GALNTL6: variants seen among roughly 807,000 people sequenced by gnomAD.
The protein encoded by GALNTL6 is polypeptide N-acetylgalactosaminyltransferase-like 6.
Under a neutral mutation model 73.7 loss-of-function variants are expected in GALNTL6, and 46 were observed. The observed-to-expected ratio is 0.62, with a 90% confidence interval of 0.49 to 0.80. GALNTL6 has a LOEUF of 0.80. Ranked by LOEUF, GALNTL6 falls within the 30% of genes least tolerant of loss-of-function variation. GALNTL6 has a pLI of 0.00. For missense variants in GALNTL6, 604 were observed against 755.0 expected, an observed-to-expected ratio of 0.80 and a Z score of 2.34; for synonymous variants, 259 against 263.7, an observed-to-expected ratio of 0.98 and a Z score of 0.17.
intron 2 of GALNTL6, among the ~76,000 whole-genome samples, chr4:171,887,787 A>C (rs1385796): frequency 0.54 from 82,258 of 152,022 alleles, 23,732 homozygotes; most frequent in African/African-American, 0.76. Flanking sequence ...TTGAAAAAAA[A>C]CAGTAACATA....
chr4:172,663,889 C>A (rs1480234169), intron 5 of GALNTL6, among the ~76,000 whole-genome samples: 2 of 150,862 alleles, frequency 1.3e-5, no homozygotes, highest in Non-Finnish European at 2.9e-5. Context: ...AAGATCATGT[C>A]ACTGCACTCC....
intron 2 of GALNTL6, among the ~76,000 whole-genome samples, chr4:171,882,859 C>T (rs549129919): frequency 3.9e-5 from 6 of 152,278 alleles, no homozygotes; most frequent in Non-Finnish European, 5.9e-5. Context: ...AACTATGTTT[C>T]GGGTAGTTAG....
intron 7 of GALNTL6, among the ~76,000 whole-genome samples, chr4:172,879,035 G>A (rs1239719426): frequency 1.3e-5 from 2 of 151,756 alleles, no homozygotes; most frequent in Non-Finnish European, 3.0e-5. Flanking sequence ...TCATTTCATA[G>A]CAATAATAAA....
chr4:172,306,772 G>A (rs1236329630), intron 3 of GALNTL6, among the ~76,000 whole-genome samples: 1 of 152,130 alleles, frequency 6.6e-6, no homozygotes, highest in Non-Finnish European at 1.5e-5. Flanking sequence ...CTCCATACAG[G>A]TTGCTACAAA....
chr4:172,481,246 G>C (rs959102505), intron 5 of GALNTL6, among the ~76,000 whole-genome samples: 24 of 151,754 alleles, frequency 1.6e-4, no homozygotes, highest in African/African-American at 5.6e-4. Context: ...CTCCCGACCC[G>C]AGTTGTTCAT....
intron 5 of GALNTL6, among the ~76,000 whole-genome samples, chr4:172,386,391 T>C (rs959878898): frequency 2.0e-5 from 3 of 152,094 alleles, no homozygotes; most frequent in African/African-American, 7.2e-5. Context: ...TACCCTCACA[T>C]GGTAGAGGGC....
intron 3 of GALNTL6, among the ~76,000 whole-genome samples, chr4:172,284,437 C>A (rs930757045): frequency 4.6e-5 from 7 of 151,804 alleles, no homozygotes; most frequent in East Asian, 3.9e-4. Flanking sequence ...CCATGTGCAC[C>A]CCCCTGCACC....
At chr4:172,771,038 C>T (rs1197013266) in intron 5 of GALNTL6, among the ~76,000 whole-genome samples, 1 of 152,148 alleles carries the variant, frequency 6.6e-6, no homozygotes, top group African/African-American at 2.4e-5. Context: ...TCATATCAGA[C>T]CAAAGGGAAA....
At chr4:172,701,825 C>A (rs935170259) in intron 5 of GALNTL6, among the ~76,000 whole-genome samples, 1 of 151,908 alleles carries the variant, frequency 6.6e-6, no homozygotes, top group Non-Finnish European at 1.5e-5. Context: ...GTGTTCATTT[C>A]TCTTATGTAA....
intron 3 of GALNTL6, among the ~76,000 whole-genome samples, chr4:172,305,268 A>G (rs535473423): frequency 1.3e-5 from 2 of 152,320 alleles, no homozygotes; most frequent in Admixed American, 6.5e-5. Flanking sequence ...CATGTTAAGT[A>G]TCTACTATCT....
chr4:172,225,849 G>A (rs1011647000), intron 2 of GALNTL6, among the ~76,000 whole-genome samples: 2 of 152,044 alleles, frequency 1.3e-5, no homozygotes, highest in African/African-American at 4.8e-5. Flanking sequence ...GCTGGTCTAT[G>A]GGTAGCATTG....
rs1356735281 is a variant in GALNTL6 at position 172,924,783 on chromosome 4, A to G, written c.1042-6378A>G. Among the ~76,000 whole-genome samples the G allele has an allele frequency of 3.3e-5, 5 of 152,160 alleles. No homozygotes were observed. The East Asian group carries it at 9.6e-4, about 29-fold the overall frequency. On this transcript the variant is annotated intron_variant, in intron 8 of 12. Coordinates refer to ENST00000506823, the MANE Select transcript of GALNTL6 (RefSeq NM_001034845.3). ...CTGCAAAGTCTTGGAACCTTTATGG[A>G]GCAGTTGTAACTTTGCCCTAAGAGC...
intron 5 of GALNTL6, among the ~76,000 whole-genome samples, chr4:172,544,898 CT>C (rs1253399226): frequency 2.6e-5 from 4 of 152,256 alleles, no homozygotes; most frequent in Admixed American, 6.5e-5. Context: ...TCTAGAGTTT[CT>C]TACATTCCTC....
rs1041361274 is a variant in GALNTL6 at position 172,001,955 on chromosome 4, G to T, written c.138+187237G>T. Reference sequence around the variant, plus strand: ...TATGATTTAAACACTGGCCCACTGTGTCTCTCCCTAACTGCAACAGACACA... The same window carrying T: ...TATGATTTAAACACTGGCCCACTGTTTCTCTCCCTAACTGCAACAGACACA... On this transcript the variant is annotated intron_variant, in intron 2 of 12. Transcript: ENST00000506823. Among the ~76,000 whole-genome samples the T allele has an allele frequency of 2.0e-5, 3 of 152,064 alleles. No homozygotes were observed. In the East Asian group the frequency reaches 5.8e-4, roughly 29 times the overall value.
intron 2 of GALNTL6, among the ~76,000 whole-genome samples, chr4:172,060,392 C>T (rs6851464): frequency 0.35 from 52,849 of 151,750 alleles, 10,232 homozygotes; most frequent in South Asian, 0.52. Context: ...ATAATGCATA[C>T]GCATGAATGA....
intron 2 of GALNTL6, among the ~76,000 whole-genome samples, chr4:171,850,546 T>C (rs1234236635): frequency 9.1e-6 from 1 of 110,042 alleles, no homozygotes; most frequent in Non-Finnish European, 1.9e-5. Flanking sequence ...GAAAACCTTG[T>C]GGTAACTAGA....
At chr4:172,119,030 G>T (rs1733073663) in intron 2 of GALNTL6, among the ~76,000 whole-genome samples, 1 of 151,168 alleles carries the variant, frequency 6.6e-6, no homozygotes, top group African/African-American at 2.4e-5. Context: ...TTTCCATGTT[G>T]AGTACATGGT....
chr4:171,920,893 C>T (rs774147924), intron 2 of GALNTL6, among the ~76,000 whole-genome samples: 6 of 151,968 alleles, frequency 3.9e-5, no homozygotes, highest in Non-Finnish European at 8.8e-5. Context: ...TGAATGAATT[C>T]CAAAATAAAA....
At chr4:172,911,800 T>G (rs1747218849) in intron 8 of GALNTL6, among the ~76,000 whole-genome samples, 1 of 152,244 alleles carries the variant, frequency 6.6e-6, no homozygotes. Flanking sequence ...AATTATGAAT[T>G]CCTTCCAGTT....
Sources: allele counts gnomAD v4.1 joint callset (sites outside exome capture counted in the v4.1 genomes callset), GRCh38; gene constraint gnomAD v4.1.1; transcripts MANE v1.5; gene names NCBI Gene and HGNC (gene_info 2026-07-23, HGNC 2026-07-21).